The following WRN variants were observed in gnomAD, a reference collection of about 807,000 sequenced individuals.
The protein encoded by WRN is WRN RecQ like helicase.
Under a neutral mutation model 180.7 loss-of-function variants are expected in WRN, and 149 were observed. The ratio of observed to expected loss-of-function variants is 0.82; its 90% confidence interval spans 0.72 to 0.94. WRN has a LOEUF of 0.94. Among genes scored for constraint, WRN ranks in the 40% least tolerant of loss-of-function variants. WRN has a pLI of 0.00. For synonymous variants in WRN, 548 were observed against 568.9 expected, an observed-to-expected ratio of 0.96 and a Z score of 0.52; for missense variants, 1,661 against 1,700.1, an observed-to-expected ratio of 0.98 and a Z score of 0.40.
At chr8:31,123,060 A>G (rs2130335803) in intron 21 of WRN, among the ~76,000 whole-genome samples, 1 of 151,952 alleles carries the variant, frequency 6.6e-6, no homozygotes, top group South Asian at 2.1e-4. Context: ...AAATTCCAGA[A>G]ATAAACAATT....
chr8:31,120,518 G>C, intron 21 of WRN, 94 bp downstream of exon 21: 9 of 1,049,108 alleles, frequency 8.6e-6, no homozygotes, highest in Non-Finnish European at 1.1e-5. Context: ...AGTATCCCAA[G>C]TAATTTGTGA....
At chr8:31,165,793 A>G (rs11574392) in intron 33 of WRN, among the ~76,000 whole-genome samples, 4,062 of 152,224 alleles carry the variant, frequency 0.027, 184 homozygotes, top group African/African-American at 0.089. Flanking sequence ...ATACATACAT[A>G]CAACAGAATA....
intron 33 of WRN, among the ~76,000 whole-genome samples, chr8:31,158,074 CT>C (rs1803461322): frequency 6.6e-6 from 1 of 152,106 alleles, no homozygotes; most frequent in African/African-American, 2.4e-5. Context: ...AAGGTTACAA[CT>C]TCCCCACCAT....
At chr8:31,086,419 C>G (rs1369819804) in intron 11 of WRN, among the ~76,000 whole-genome samples, 2 of 151,848 alleles carry the variant, frequency 1.3e-5, no homozygotes, top group East Asian at 3.9e-4. Flanking sequence ...CAGAAAAATA[C>G]AAGAATTGGC....
chr8:31,169,500 T>C (rs974604403), intron 34 of WRN, among the ~76,000 whole-genome samples: 2 of 152,156 alleles, frequency 1.3e-5, no homozygotes, highest in African/African-American at 4.8e-5. Flanking sequence ...TAGATAATTT[T>C]CCTAATGTTT....
intron 1 of WRN, among the ~76,000 whole-genome samples, chr8:31,037,323 A>G (rs1811487981): frequency 6.6e-6 from 1 of 152,208 alleles, no homozygotes; most frequent in African/African-American, 2.4e-5. Context: ...TCAGGTGGTA[A>G]CGTGAGGAAT....
At chr8:31,105,074 C>T (rs1189238036) in intron 18 of WRN, among the ~76,000 whole-genome samples, 1 of 143,000 alleles carries the variant, frequency 7.0e-6, no homozygotes, top group Non-Finnish European at 1.5e-5. Context: ...TAGCTTATCT[C>T]ACAGAGTTTG....
intron 18 of WRN, among the ~76,000 whole-genome samples, chr8:31,101,272 AT>A (rs1335836641): frequency 6.6e-6 from 1 of 151,994 alleles, no homozygotes; most frequent in African/African-American, 2.4e-5. Context: ...AAAGAGTTAC[AT>A]TTTTCACTGG....
At chr8:31,076,076 A>C in intron 7 of WRN, 97 bp from the exon 8 acceptor site, 2 of 1,021,666 alleles carry the variant, frequency 2.0e-6, no homozygotes, top group Admixed American at 1.8e-5. Context: ...AAGGAAAGAA[A>C]ATGAAAATTT....
In WRN at chr8:31,143,555, C is replaced by CT; in HGVS notation, c.3317dup (p.Leu1106PhefsTer8). On this transcript the variant is annotated frameshift_variant, in exon 28 of 35. Transcript: ENST00000298139. LOFTEE classifies it high-confidence loss of function. ...CTTTATATGTTTAAATGCAGTCTAA[C>CT]TTGGAGAAGTTATATTCTTATAAAC... The CT allele has an allele frequency of 6.3e-7, 1 of 1,587,812 alleles. No homozygotes were observed. Among genetic ancestry groups the CT allele is most frequent in the Non-Finnish European group, 8.6e-7 (1 of 1,160,546 alleles).
At position 31,173,445 on chromosome 8, in the gene WRN, T is replaced by C. The variant is rs1009756792; in HGVS notation, c.*343T>C. 5.1e-5 allele frequency: 13 copies of C among 253,814 alleles called. No individual in the cohort carries two copies. Among genetic ancestry groups the C allele is most frequent in the Non-Finnish European group, 9.2e-5 (12 of 130,252 alleles). 15.7% of individuals were successfully genotyped at this position (253,814 alleles called of 1,614,324 possible). A position where few individuals can be genotyped will look rare whatever the true frequency, so the allele number is the denominator to read the frequency against. ...TGATTTGATATAGATAACAGATTAG[T>C]AGTTACATGGTAATTATGTGATATA... On this transcript the variant is annotated 3_prime_UTR_variant, in exon 35 of 35. Coordinates refer to ENST00000298139, the MANE Select transcript of WRN (RefSeq NM_000553.6).
intron 24 of WRN, among the ~76,000 whole-genome samples, chr8:31,140,593 T>C (rs1285958343): frequency 6.6e-6 from 1 of 152,174 alleles, no homozygotes; most frequent in Admixed American, 6.5e-5. Flanking sequence ...CTGCTTTTCC[T>C]GGTATATCTC....
At position 31,174,337 on chromosome 8, in the gene WRN, A is replaced by T. The variant is rs1052273794; in HGVS notation, c.*1235A>T. 5.3e-5 allele frequency among the ~76,000 whole-genome samples: 8 copies of T among 152,178 alleles called. No individual in the cohort carries two copies. The highest frequency in any genetic ancestry group is 1.9e-4 in the African/African-American group (8 of 41,444). ...GCACAGACACGTCTGCTGCATGCCT[A>T]GGTACGAGGCTGTCTCCAGGAGAAG... is the stretch of plus-strand genomic sequence containing the variant. On this transcript the variant is annotated 3_prime_UTR_variant, in exon 35 of 35. Transcript: ENST00000298139.
chr8:31,107,096 A>G (rs1394070868), intron 18 of WRN, among the ~76,000 whole-genome samples: 1 of 152,232 alleles, frequency 6.6e-6, no homozygotes, highest in South Asian at 2.1e-4. Context: ...GTTTAGATTC[A>G]TACCTATAAC....
chr8:31,092,617 A>G (rs936629029), intron 16 of WRN, among the ~76,000 whole-genome samples: 2 of 152,116 alleles, frequency 1.3e-5, no homozygotes, highest in Middle Eastern at 3.4e-3. Context: ...CTTTACGTAT[A>G]TATTAGTATA....
chr8:31,085,197 C>T lies in WRN; in HGVS notation c.1382C>T (p.Thr461Met), dbSNP rs371602600. 1.4e-4 allele frequency: 233 copies of T among 1,612,432 alleles called. 1 individual carries two copies. The South Asian group carries it at 1.6e-3, about 11-fold the overall frequency. Residue 461 changes from threonine (T) to methionine (M), a missense_variant, in exon 11 of 35, where the codon ACG becomes ATG. This residue lies in a region of WRN where 20 missense variants were observed against 46.7 expected (regional missense o/e 0.43). Transcript: ENST00000298139. ...HLSPNDNEND[T>M]SYVIESDEDL... ...TCTCCCAATGATAATGAAAACGATA[C>T]GTCCTATGTAATTGAGAGTGATGAA...
intron 24 of WRN, among the ~76,000 whole-genome samples, chr8:31,133,973 A>G (rs1377237202): frequency 6.6e-6 from 1 of 152,206 alleles, no homozygotes; most frequent in African/African-American, 2.4e-5. Context: ...GATTTCACCT[A>G]TTAAAAAACC....
intron 32 of WRN, among the ~76,000 whole-genome samples, chr8:31,155,507 A>G (rs960010879): frequency 1.1e-4 from 17 of 151,716 alleles, no homozygotes; most frequent in Non-Finnish European, 1.9e-4. Context: ...CTGTAATCCC[A>G]GATACTTGGG....
intron 30 of WRN, among the ~76,000 whole-genome samples, chr8:31,149,555 A>G (rs1481211185): frequency 8.5e-6 from 1 of 117,680 alleles, no homozygotes; most frequent in African/African-American, 3.3e-5. Context: ...GCTCACTGCA[A>G]CCTCCGCCTC....
Sources: allele counts gnomAD v4.1 joint callset (sites outside exome capture counted in the v4.1 genomes callset), GRCh38; gene constraint gnomAD v4.1.1; regional missense constraint gnomAD v4.1.1; transcripts MANE v1.5; gene names NCBI Gene and HGNC (gene_info 2026-07-23, HGNC 2026-07-21).